NRCAM: variants seen among roughly 807,000 people sequenced by gnomAD.
The protein encoded by NRCAM is neuronal cell adhesion molecule.
In NRCAM, 83 loss-of-function variants were observed where a neutral mutation model predicts 156.5. That is an observed-to-expected ratio of 0.53 (90% CI 0.44 to 0.64). NRCAM has a LOEUF of 0.64. Ranked by LOEUF, NRCAM falls within the 30% of genes least tolerant of loss-of-function variation. The pLI is 0.00. For missense variants in NRCAM, 1,417 were observed against 1,597.3 expected (o/e 0.89, Z 1.92); for synonymous variants, 538 against 563.9 (o/e 0.95, Z 0.65).
intron 2 of NRCAM, among the ~76,000 whole-genome samples, chr7:108,363,600 G>A (rs1420395150): frequency 6.6e-6 from 1 of 152,130 alleles, no homozygotes; most frequent in African/African-American, 2.4e-5. Flanking sequence ...CTTCCAAAGA[G>A]TACAGTATGG....
chr7:108,274,755 G>T (rs1375722819), intron 3 of NRCAM, among the ~76,000 whole-genome samples: 1 of 152,114 alleles, frequency 6.6e-6, no homozygotes, highest in Admixed American at 6.5e-5. Context: ...TGATTGTCCT[G>T]GCCAGAACTT....
At chr7:108,407,069 C>T (rs2099809431) in intron 1 of NRCAM, among the ~76,000 whole-genome samples, 1 of 152,128 alleles carries the variant, frequency 6.6e-6, no homozygotes, top group African/African-American at 2.4e-5. Context: ...GAAATTTAAA[C>T]ATTTTCTTCC....
intron 29 of NRCAM, 145 bp downstream of exon 29, chr7:108,168,132 A>T: frequency 1.2e-6 from 1 of 819,480 alleles, no homozygotes; most frequent in Non-Finnish European, 1.7e-6. Context: ...CTGATGGTTC[A>T]CTATAATTTT....
At chr7:108,393,103 G>C (rs1231299616) in intron 2 of NRCAM, among the ~76,000 whole-genome samples, 1 of 152,102 alleles carries the variant, frequency 6.6e-6, no homozygotes, top group African/African-American at 2.4e-5. Context: ...TGTCAGACAG[G>C]GACATTTAAG....
intron 3 of NRCAM, among the ~76,000 whole-genome samples, chr7:108,290,978 C>T (rs2098271444): frequency 6.6e-6 from 1 of 152,150 alleles, no homozygotes; most frequent in South Asian, 2.1e-4. Context: ...TAAGAGTGCT[C>T]ACATCTGGGC....
chr7:108,304,321 C>T (rs1023991489), intron 3 of NRCAM, among the ~76,000 whole-genome samples: 1 of 151,998 alleles, frequency 6.6e-6, no homozygotes, highest in Non-Finnish European at 1.5e-5. Flanking sequence ...CTGGTCACCA[C>T]TCTTTTGAAC....
At chr7:108,253,428 G>C (rs1161479074) in intron 3 of NRCAM, among the ~76,000 whole-genome samples, 4 of 152,194 alleles carry the variant, frequency 2.6e-5, no homozygotes, top group Non-Finnish European at 5.9e-5. Context: ...TAATACTCCA[G>C]GGAGAGAAGA....
chr7:108,358,729 G>T (rs1235982571), intron 2 of NRCAM, among the ~76,000 whole-genome samples: 3 of 152,166 alleles, frequency 2.0e-5, no homozygotes, highest in African/African-American at 7.2e-5. Flanking sequence ...CTCCTGTCAA[G>T]GGGAGTTTGT....
At chr7:108,184,637 A>C (rs1235102002) in intron 20 of NRCAM, 23 bp from the exon 21 acceptor site, 1 of 1,601,444 alleles carries the variant, frequency 6.2e-7, no homozygotes, top group Non-Finnish European at 8.5e-7. Flanking sequence ...CACACACACC[A>C]AACCCAAGAC....
At chr7:108,230,568 G>A (rs1053091488) in intron 8 of NRCAM, among the ~76,000 whole-genome samples, 4 of 152,038 alleles carry the variant, frequency 2.6e-5, no homozygotes, top group African/African-American at 9.7e-5. Context: ...TCCTTCATTA[G>A]TTCATTAGTC....
At position 108,224,207 on chromosome 7, in the gene NRCAM, G is replaced by C. The variant is rs1262755202; in HGVS notation, c.779-371C>G. ...ACATTTCCCTTAGGATTAGTGCTTA[G>C]GTCGAAGCAAAAATTAACTGTCTAT... On this transcript the variant is annotated intron_variant, in intron 10 of 32. Transcript: ENST00000379028. Among the ~76,000 whole-genome samples the C allele has an allele frequency of 2.0e-5, 3 of 152,086 alleles. No homozygotes were observed. The East Asian group carries it at 5.8e-4, about 29-fold the overall frequency.
chr7:108,316,802 A>G (rs990093797), intron 2 of NRCAM, among the ~76,000 whole-genome samples: 9 of 151,890 alleles, frequency 5.9e-5, no homozygotes, highest in African/African-American at 2.2e-4. Context: ...AAAAAAAAAA[A>G]AGAAACCTAG....
At chr7:108,380,465 T>C (rs902058335) in intron 2 of NRCAM, among the ~76,000 whole-genome samples, 12 of 152,238 alleles carry the variant, frequency 7.9e-5, no homozygotes, top group African/African-American at 2.9e-4. Flanking sequence ...TTTGGTTTCT[T>C]TTTAAGTCTT....
In NRCAM at chr7:108,343,543, G is replaced by A. The variant is rs181546789; in HGVS notation, c.-173-30812C>T. ...GCTTATAGAAGGACCCCTAGTATGT[G>A]GTAATCCCCTCTGGGAAACCAAGCC... On this transcript the variant is annotated intron_variant, in intron 2 of 32. Coordinates refer to ENST00000379028, the MANE Select transcript of NRCAM (RefSeq NM_001037132.4). Among the ~76,000 whole-genome samples, 9 of 152,224 alleles carry A rather than the reference G, an allele frequency of 5.9e-5. No individual in the cohort carries two copies. The East Asian group carries it at 1.7e-3, about 29-fold the overall frequency.
At chr7:108,191,057 G>A (rs1245064808) in intron 19 of NRCAM, among the ~76,000 whole-genome samples, 197 bp downstream of exon 19, 4 of 152,184 alleles carry the variant, frequency 2.6e-5, no homozygotes, top group African/African-American at 9.6e-5. Context: ...AACTGGCAAC[G>A]AACTTGGTGA....
At chr7:108,437,086 T>TA (rs796750463) in intron 1 of NRCAM, among the ~76,000 whole-genome samples, 46 of 152,224 alleles carry the variant, frequency 3.0e-4, no homozygotes, top group African/African-American at 8.7e-4. Context: ...TATTCAACCA[T>TA]AAAAAAGGAT....
intron 2 of NRCAM, among the ~76,000 whole-genome samples, chr7:108,368,334 T>A (rs1011180485): frequency 3.3e-5 from 5 of 151,154 alleles, no homozygotes; most frequent in Admixed American, 6.7e-5. Flanking sequence ...GTGAAAATTT[T>A]CCTAATGTGA....
At chr7:108,195,493 G>A (rs1037512912) in intron 15 of NRCAM, among the ~76,000 whole-genome samples, 5 of 151,922 alleles carry the variant, frequency 3.3e-5, no homozygotes, top group Non-Finnish European at 5.9e-5. Context: ...GTAGGCGGCT[G>A]TAGGCCCAGA....
intron 1 of NRCAM, among the ~76,000 whole-genome samples, chr7:108,442,622 A>G (rs1333762144): frequency 6.6e-6 from 1 of 152,212 alleles, no homozygotes; most frequent in Non-Finnish European, 1.5e-5. Flanking sequence ...CCAGCTGGTG[A>G]TTTACCACAG....
Sources: gnomAD v4.1 joint callset for allele counts (sites outside exome capture counted in the v4.1 genomes callset) on GRCh38, gnomAD v4.1.1 for gene constraint, MANE v1.5 for transcripts, NCBI Gene and HGNC (gene_info 2026-07-23, HGNC 2026-07-21) for gene names.